ATP2B1: variants seen among roughly 807,000 people sequenced by gnomAD.
ATP2B1 encodes the protein plasma membrane calcium-transporting ATPase 1.
ATP2B1 carries 14 observed loss-of-function variants against 124.2 expected under a neutral mutation model. That is an observed-to-expected ratio of 0.11 (90% confidence interval 0.07 to 0.18). ATP2B1 has a LOEUF of 0.18. Ranked by LOEUF, ATP2B1 falls within the 10% of genes least tolerant of loss-of-function variation. The pLI is 1.00. For missense variants in ATP2B1, 763 were observed against 1,466.1 expected (o/e 0.52, Z 7.83); for synonymous variants, 449 against 492.4 (o/e 0.91, Z 1.17).
At chr12:89,605,213 T>C (rs1876602278) in intron 15 of ATP2B1, among the ~76,000 whole-genome samples, 2 of 151,808 alleles carry the variant, frequency 1.3e-5, no homozygotes, top group Non-Finnish European at 2.9e-5. Context: ...TAGAAGGGAG[T>C]AGGATTCACT....
chr12:89,608,122 C>T (rs1239926852), intron 15 of ATP2B1, among the ~76,000 whole-genome samples: 1 of 152,068 alleles, frequency 6.6e-6, no homozygotes, highest in African/African-American at 2.4e-5. Flanking sequence ...AGAGTAGTTT[C>T]AAGTCCAAGC....
intron 18 of ATP2B1, 121 bp from the exon 19 acceptor site, chr12:89,601,554 T>C (rs1875847027): frequency 1.8e-6 from 1 of 545,644 alleles, no homozygotes; most frequent in Non-Finnish European, 3.0e-6. Flanking sequence ...TGATGAATTG[T>C]ATTATATTAG....
At chr12:89,701,782 A>C (rs1891881593) in intron 1 of ATP2B1, among the ~76,000 whole-genome samples, 1 of 152,116 alleles carries the variant, frequency 6.6e-6, no homozygotes, top group Admixed American at 6.5e-5. Context: ...CCTGGCCTCA[A>C]GCGAACCTCC....
At chr12:89,707,819 A>C (rs1401248215) in intron 1 of ATP2B1, among the ~76,000 whole-genome samples, 2 of 152,180 alleles carry the variant, frequency 1.3e-5, no homozygotes, top group African/African-American at 2.4e-5. Context: ...GCTTAGCCAC[A>C]GGATTCTCCC....
chr12:89,643,091 C>CACACACACACACACAT (rs1247770816), intron 2 of ATP2B1, among the ~76,000 whole-genome samples: 2 of 146,726 alleles, frequency 1.4e-5, no homozygotes, highest in Non-Finnish European at 3.0e-5. Flanking sequence ...CACACACACA[C>CACACACACACACACAT]ATATATACAT....
chr12:89,709,316 C>T (rs974319754), upstream of ATP2B1: 1 of 152,224 alleles, frequency 6.6e-6, no homozygotes, highest in East Asian at 1.9e-4. Context: ...CCACCGCCGC[C>T]GAAGCTCGCG....
chr12:89,623,070 A>G (rs931311459), intron 9 of ATP2B1, among the ~76,000 whole-genome samples: 1 of 13,566 alleles, frequency 7.4e-5, no homozygotes, highest in East Asian at 0.013. Context: ...ACTTTGATAC[A>G]TTTACTTTAT....
At position 89,627,592 on chromosome 12, in the gene ATP2B1, T is replaced by A. The variant is rs1592784404; in HGVS notation, c.967+86A>T. The A allele has an allele frequency of 3.4e-6, 5 of 1,452,470 alleles. No homozygotes were observed. The East Asian group carries it at 6.9e-5, about 20-fold the overall frequency. The allele number at this position is 1,452,470 out of a possible 1,614,324, so 90.0% of individuals were successfully genotyped here. ...TTGTTGATTTTCCCTGCCACATGTA[T>A]CTTACTTTTGAATAAATATGGTATA... On this transcript the variant is annotated intron_variant, in intron 7 of 20. Transcript: ENST00000428670.
In ATP2B1 at chr12:89,603,082, G is replaced by A; in HGVS notation, c.3021C>T (p.Ala1007=). ...RNVFEGIFNN[A]IFCTIVLGTF... Reference sequence around the variant, plus strand: ...TGCCTAAAACAATTGTGCAGAAGATGGCATTGTTAAAGATTCCTTCGAATA... The same window carrying A: ...TGCCTAAAACAATTGTGCAGAAGATAGCATTGTTAAAGATTCCTTCGAATA... Residue 1007 remains alanine (A), a synonymous_variant, in exon 18 of 21, where the codon GCC becomes GCT. Transcript: ENST00000428670. The surrounding 1 kb of genome is among the most constrained non-coding windows in gnomAD (Gnocchi z 4.3). 6.2e-7 allele frequency: 1 copy of A among 1,613,870 alleles called. No individual in the cohort carries two copies. The highest frequency in any genetic ancestry group is 8.5e-7 in the Non-Finnish European group (1 of 1,179,896).
At chr12:89,668,753 C>G (rs2136492962) in intron 1 of ATP2B1, among the ~76,000 whole-genome samples, 1 of 152,296 alleles carries the variant, frequency 6.6e-6, no homozygotes, top group East Asian at 1.9e-4. Flanking sequence ...CTGATACTGA[C>G]AGCTTCAGTA....
intron 5 of ATP2B1, 40 bp downstream of exon 5, chr12:89,634,738 G>A (rs200651001): frequency 4.7e-5 from 72 of 1,524,230 alleles, no homozygotes; most frequent in East Asian, 3.6e-4. Context: ...ACATAGTTGC[G>A]AAAGAGGAAA....
At chr12:89,666,412 C>A (rs554263220) in intron 1 of ATP2B1, among the ~76,000 whole-genome samples, 1 of 152,300 alleles carries the variant, frequency 6.6e-6, no homozygotes, top group Admixed American at 6.5e-5. Flanking sequence ...TGGAATTGTT[C>A]TATTTTCAAA....
chr12:89,610,824 A>G (rs1877872232), intron 13 of ATP2B1: 1 of 342,850 alleles, frequency 2.9e-6, no homozygotes, highest in Admixed American at 4.4e-5. Context: ...CTATGAAAAT[A>G]GAACTTCCTT....
intron 1 of ATP2B1, among the ~76,000 whole-genome samples, chr12:89,658,647 G>GAC (rs1491206152): frequency 8.1e-6 from 1 of 124,028 alleles, no homozygotes; most frequent in Admixed American, 7.7e-5. Flanking sequence ...GAGAGAGAGA[G>GAC]ATAGAGATAG....
At chr12:89,643,123 C>T (rs931216369) in intron 2 of ATP2B1, among the ~76,000 whole-genome samples, 5 of 147,132 alleles carry the variant, frequency 3.4e-5, no homozygotes, top group East Asian at 2.0e-4. Context: ...TACGTATATA[C>T]ACGTATATAT....
intron 20 of ATP2B1, chr12:89,594,318 T>C (rs1239865271): frequency 6.6e-6 from 1 of 151,972 alleles, no homozygotes; most frequent in Admixed American, 6.6e-5. Context: ...ACAGTAACTG[T>C]GAGGAAAATA....
At chr12:89,667,839 T>C (rs1458626430) in intron 1 of ATP2B1, among the ~76,000 whole-genome samples, 1 of 152,232 alleles carries the variant, frequency 6.6e-6, no homozygotes, top group Non-Finnish European at 1.5e-5. Context: ...TTCGGTGCTA[T>C]TCCTATCAAA....
chr12:89,633,123 T>C lies in ATP2B1; in HGVS notation c.787+1655A>G, dbSNP rs11105355. On this transcript the variant is annotated intron_variant, in intron 5 of 20. Transcript: ENST00000428670. ...GGAAAGGTTATAGATTTTATTTGGT[T>C]AACATTAACTACAGTTCCTTAGAAG... Among the ~76,000 whole-genome samples, 16 of 152,224 alleles carry C rather than the reference T, an allele frequency of 1.1e-4. No homozygotes were observed. In the East Asian group the frequency reaches 2.1e-3, roughly 20 times the overall value.
chr12:89,708,257 C>T (rs1892752563), intron 1 of ATP2B1, among the ~76,000 whole-genome samples: 1 of 152,116 alleles, frequency 6.6e-6, no homozygotes, highest in African/African-American at 2.4e-5. Context: ...TGGGCTGTGG[C>T]GCGGCCGAGG....
Sources: allele counts gnomAD v4.1 joint callset (sites outside exome capture counted in the v4.1 genomes callset), GRCh38; gene constraint gnomAD v4.1.1; non-coding constraint Gnocchi (gnomAD v3.1); transcripts MANE v1.5; gene names NCBI Gene and HGNC (gene_info 2026-07-23, HGNC 2026-07-21).